SENP1: variants seen among roughly 807,000 people sequenced by gnomAD.
The protein encoded by SENP1 is sentrin-specific protease 1.
In SENP1, 21 loss-of-function variants were observed where a neutral mutation model predicts 93.0. The ratio of observed to expected loss-of-function variants is 0.23; its 90% CI spans 0.16 to 0.33. The LOEUF (loss-of-function observed/expected upper bound fraction) is 0.33, where lower values mean the gene tolerates loss of function less well. Ranked by LOEUF, SENP1 falls within the 10% of genes least tolerant of loss-of-function variation. The pLI, the probability that SENP1 is intolerant of heterozygous loss-of-function variation, is 1.00. For missense variants in SENP1, 591 were observed against 758.7 expected (o/e 0.78, Z 2.60); for synonymous variants, 256 against 259.6 (o/e 0.99, Z 0.13).
chr12:48,048,967 A>C lies in SENP1; in HGVS notation c.1573T>G (p.Leu525Val). 6.2e-7 allele frequency: 1 copy of C among 1,613,752 alleles called. No homozygotes were observed. Residue 525 changes from leucine to valine, a missense_variant, in exon 14 of 18, where the codon TTG becomes GTG. Coordinates refer to ENST00000549518, the MANE Select transcript of SENP1 (RefSeq NM_001267594.2). ...KVDVFSVDIL[L>V]VPIHLGVHWC... ...TGTACTCCCAGGTGAATGGGCACCA[A>C]AAGAATGTCAACAGAAAATACATCT...
chr12:48,051,094 AAAG>A (rs1941774975), intron 13 of SENP1, among the ~76,000 whole-genome samples: 1 of 152,106 alleles, frequency 6.6e-6, no homozygotes, highest in Non-Finnish European at 1.5e-5. Context: ...AAAAAAAAAA[AAAG>A]AATGACATAA....
At chr12:48,056,013 TA>T (rs1307484988) in intron 13 of SENP1, among the ~76,000 whole-genome samples, 1 of 129,466 alleles carries the variant, frequency 7.7e-6, no homozygotes, top group Non-Finnish European at 1.5e-5. Flanking sequence ...TATATTTTAA[TA>T]TATAACTTAA....
rs1028190886 is a variant in SENP1 at position 48,096,245 on chromosome 12, G to C, written c.220+98C>G. The C allele has an allele frequency of 1.6e-5, 10 of 637,460 alleles. No homozygotes were observed. The African/African-American group carries it at 1.9e-4, about 12-fold the overall frequency. 39.5% of individuals were successfully genotyped at this position (637,460 alleles called of 1,614,324 possible). ...GTGAAGAAAATACCATCTTGTTTTT[G>C]ACAATGTTTTTACTTTTGGAGATGA... On this transcript the variant is annotated intron_variant, in intron 4 of 17. Coordinates refer to ENST00000549518, the MANE Select transcript of SENP1 (RefSeq NM_001267594.2).
rs1432394959 is a variant in SENP1 at position 48,097,975 on chromosome 12, G to A, written c.135+19C>T. ...AGCCCAAATAATTAATTAATTAAAG[G>A]AAGAAAATTGCTCCTAACCTGCTGG... is the stretch of plus-strand genomic sequence containing the variant. On this transcript the variant is annotated intron_variant, in intron 3 of 17. Transcript: ENST00000549518. 6.2e-7 allele frequency: 1 copy of A among 1,606,596 alleles called. No homozygotes were observed. The highest frequency in any genetic ancestry group is 8.5e-7 in the Non-Finnish European group (1 of 1,176,058).
At chr12:48,085,781 G>A (rs1316505655) in intron 5 of SENP1, among the ~76,000 whole-genome samples, 2 of 151,608 alleles carry the variant, frequency 1.3e-5, no homozygotes, top group Non-Finnish European at 2.9e-5. Flanking sequence ...TTAGGAACAG[G>A]CTTATTTTCT....
At chr12:48,048,876 GT>G in intron 14 of SENP1, 52 bp downstream of exon 14, 1 of 1,378,560 alleles carries the variant, frequency 7.3e-7, no homozygotes, top group Middle Eastern at 1.8e-4. Flanking sequence ...CCCTCTGTGT[GT>G]TCTATAAGTA....
chr12:48,101,499 T>C lies in SENP1; in HGVS notation c.-27A>G, dbSNP rs753488373. 1 of 1,589,764 alleles carries C rather than the reference T, an allele frequency of 6.3e-7. No individual in the cohort carries two copies. The highest frequency in any genetic ancestry group is 8.6e-7 in the Non-Finnish European group (1 of 1,166,094). On this transcript the variant is annotated 5_prime_UTR_variant, in exon 2 of 18. Coordinates refer to ENST00000549518, the MANE Select transcript of SENP1 (RefSeq NM_001267594.2). The stretch of plus-strand genomic sequence containing the variant: ...TCAAGTCTTTTCACATCACTGACTT[T>C]AGCAAAGATACAAAGTCCTATAAAA...
intron 5 of SENP1, among the ~76,000 whole-genome samples, chr12:48,088,351 G>T (rs1365474764): frequency 6.6e-6 from 1 of 152,098 alleles, no homozygotes; most frequent in African/African-American, 2.4e-5. Context: ...CACCGTGCCC[G>T]GTCTGTGACT....
At chr12:48,056,353 T>C (rs1425773905) in intron 13 of SENP1, among the ~76,000 whole-genome samples, 1 of 101,602 alleles carries the variant, frequency 9.8e-6, no homozygotes, top group Non-Finnish European at 1.9e-5. Context: ...TTACATATAA[T>C]ATATTATTTA....
intron 5 of SENP1, chr12:48,085,279 T>A: frequency 6.5e-7 from 1 of 1,548,540 alleles, no homozygotes; most frequent in Non-Finnish European, 8.9e-7. Context: ...ATCGCAGAGA[T>A]GGTGCAGCAT....
chr12:48,063,448 GAATGTCTTCTTC>G (rs1186465231), intron 13 of SENP1, among the ~76,000 whole-genome samples: 1 of 152,144 alleles, frequency 6.6e-6, no homozygotes, highest in African/African-American at 2.4e-5. Context: ...ACCAATGAGT[GAATGTCTTCTTC>G]AATGTTCAAA....
intron 6 of SENP1, among the ~76,000 whole-genome samples, chr12:48,083,175 G>C (rs373313203): frequency 6.6e-6 from 1 of 152,306 alleles, no homozygotes; most frequent in East Asian, 1.9e-4. Flanking sequence ...ACTGTGCTGG[G>C]ATCATAGGCA....
intron 12 of SENP1, among the ~76,000 whole-genome samples, chr12:48,064,094 TTCCTAA>T: frequency 6.6e-6 from 1 of 152,314 alleles, no homozygotes; most frequent in South Asian, 2.1e-4. Context: ...TCCATATTAA[TTCCTAA>T]AGTCTGGAAC....
At chr12:48,070,800 G>C (rs1263980368) in intron 9 of SENP1, among the ~76,000 whole-genome samples, 1 of 152,160 alleles carries the variant, frequency 6.6e-6, no homozygotes. Flanking sequence ...ATGGACTAAA[G>C]AACACAGCAG....
In SENP1 at chr12:48,062,264, A is replaced by G. The variant is rs530240669; in HGVS notation, c.1407+1446T>C. Among the ~76,000 whole-genome samples, 3 of 152,352 alleles carry G rather than the reference A, an allele frequency of 2.0e-5. No individual in the cohort carries two copies. In the South Asian group the frequency reaches 6.2e-4, roughly 32 times the overall value. On this transcript the variant is annotated intron_variant, in intron 13 of 17. Coordinates refer to ENST00000549518, the MANE Select transcript of SENP1 (RefSeq NM_001267594.2). ...AGCAATGGCAGGAAATAAATGGCAA[A>G]GGACCACAGATCAAAAATAACTTAT...
In SENP1 at chr12:48,064,033, C is replaced by T. The variant is rs1280005317; in HGVS notation, c.1276-192G>A. Among the ~76,000 whole-genome samples the T allele has an allele frequency of 2.0e-5, 3 of 152,146 alleles. No individual in the cohort carries two copies. The East Asian group carries it at 5.8e-4, about 29-fold the overall frequency. ...AGTAATCCCCGATTACTTCTTTCCACTTCATCTAGTCCTCCCTTCTCTTTT... is the reference window on the plus strand; with the variant it reads ...AGTAATCCCCGATTACTTCTTTCCATTTCATCTAGTCCTCCCTTCTCTTTT... On this transcript the variant is annotated intron_variant, in intron 12 of 17. Transcript: ENST00000549518.
At chr12:48,061,070 C>T (rs933496215) in intron 13 of SENP1, among the ~76,000 whole-genome samples, 3 of 152,188 alleles carry the variant, frequency 2.0e-5, no homozygotes, top group African/African-American at 2.4e-5. Context: ...CTTTTAGGAA[C>T]AGGGTATCCT....
At chr12:48,056,047 T>C (rs1592306099) in intron 13 of SENP1, among the ~76,000 whole-genome samples, 2 of 126,554 alleles carry the variant, frequency 1.6e-5, no homozygotes, top group East Asian at 4.6e-4. Context: ...AGTATAAATA[T>C]ATACTGTATA....
chr12:48,085,504 T>C (rs941440084), intron 5 of SENP1: 4 of 543,792 alleles, frequency 7.4e-6, no homozygotes, highest in African/African-American at 3.9e-5. Context: ...CAGCCTTCTT[T>C]ACATTTTGAG....
Sources: allele counts gnomAD v4.1 joint callset (sites outside exome capture counted in the v4.1 genomes callset), GRCh38; gene constraint gnomAD v4.1.1; transcripts MANE v1.5; gene names NCBI Gene and HGNC (gene_info 2026-07-23, HGNC 2026-07-21).